The following PDLIM1 variants were observed in gnomAD, a reference collection of about 807,000 sequenced individuals.
The protein encoded by PDLIM1 is PDZ and LIM domain 1, also known as PDZ and LIM domain protein 1.
Under a neutral mutation model 35.2 loss-of-function variants are expected in PDLIM1, and 25 were observed. The observed-to-expected ratio is 0.71, with a 90% CI of 0.52 to 0.99. The LOEUF (loss-of-function observed/expected upper bound fraction) is 0.99. PDLIM1 is among the 50% of genes least tolerant of loss of function. PDLIM1 has a pLI of 0.00. For missense variants in PDLIM1, 363 were observed against 415.3 expected, an observed-to-expected ratio of 0.87 and a Z score of 1.09; for synonymous variants, 152 against 154.0, an observed-to-expected ratio of 0.99 and a Z score of 0.10.
intron 1 of PDLIM1, among the ~76,000 whole-genome samples, chr10:95,274,812 A>G (rs1450531730): frequency 2.0e-5 from 3 of 152,200 alleles, no homozygotes; most frequent in African/African-American, 7.2e-5. Flanking sequence ...AACCAATTTC[A>G]TCTTGCCTTT....
At chr10:95,288,250 CAA>C (rs35405203) in intron 1 of PDLIM1, among the ~76,000 whole-genome samples, 9 of 152,206 alleles carry the variant, frequency 5.9e-5, no homozygotes, top group Non-Finnish European at 1.3e-4. Context: ...AGCAGTTTAG[CAA>C]AAGACTGGAG....
intron 1 of PDLIM1, among the ~76,000 whole-genome samples, chr10:95,273,631 C>T (rs918159294): frequency 6.6e-6 from 1 of 152,132 alleles, no homozygotes; most frequent in Non-Finnish European, 1.5e-5. Flanking sequence ...GCTCTCCCAT[C>T]ATTTGTTTAC....
At chr10:95,250,114 T>C (rs955888423) in intron 4 of PDLIM1, among the ~76,000 whole-genome samples, 3 of 152,236 alleles carry the variant, frequency 2.0e-5, no homozygotes, top group Non-Finnish European at 4.4e-5. Context: ...AGTTTGGAAC[T>C]TGCCCCATAA....
chr10:95,260,854 C>T (rs1466499068), intron 4 of PDLIM1, among the ~76,000 whole-genome samples: 1 of 152,146 alleles, frequency 6.6e-6, no homozygotes, highest in Non-Finnish European at 1.5e-5. Flanking sequence ...GCAAAGTTAC[C>T]AGGTGACTGC....
intron 3 of PDLIM1, among the ~76,000 whole-genome samples, chr10:95,265,871 A>G (rs2035412338): frequency 6.6e-6 from 1 of 152,172 alleles, no homozygotes; most frequent in South Asian, 2.1e-4. Flanking sequence ...ACTGCACATC[A>G]GCCTGGGTGA....
chr10:95,257,020 A>G (rs1483014933), intron 4 of PDLIM1, among the ~76,000 whole-genome samples: 1 of 150,018 alleles, frequency 6.7e-6, no homozygotes, highest in Non-Finnish European at 1.5e-5. Flanking sequence ...GAAAGAAAGA[A>G]AGAAAGAAAG....
chr10:95,251,860 G>GA (rs1243437969), intron 4 of PDLIM1, among the ~76,000 whole-genome samples: 1 of 152,212 alleles, frequency 6.6e-6, no homozygotes, highest in Non-Finnish European at 1.5e-5. Context: ...ACGTCCTGAG[G>GA]ACCACGATGG....
intron 1 of PDLIM1, among the ~76,000 whole-genome samples, chr10:95,289,347 G>A (rs2035631587): frequency 6.6e-6 from 1 of 152,206 alleles, no homozygotes; most frequent in Non-Finnish European, 1.5e-5. Context: ...ACGATTCTGG[G>A]GAAGGCACAG....
At chr10:95,250,414 C>A (rs550944251) in intron 4 of PDLIM1, among the ~76,000 whole-genome samples, 1 of 151,288 alleles carries the variant, frequency 6.6e-6, no homozygotes, top group African/African-American at 2.4e-5. Flanking sequence ...AACCACTGGA[C>A]AATTTATAAA....
chr10:95,248,642 A>C (rs957538069), intron 4 of PDLIM1, among the ~76,000 whole-genome samples: 3 of 152,236 alleles, frequency 2.0e-5, no homozygotes, highest in Non-Finnish European at 4.4e-5. Flanking sequence ...TTTAATACTA[A>C]AATATATGTT....
At chr10:95,265,081 T>C (rs1457693895) in intron 3 of PDLIM1, among the ~76,000 whole-genome samples, 1 of 152,124 alleles carries the variant, frequency 6.6e-6, no homozygotes, top group Non-Finnish European at 1.5e-5. Flanking sequence ...AGAAAAATCT[T>C]CCTGAACTCT....
chr10:95,264,052 GTGCAGGACCTCC>G lies in PDLIM1; in HGVS notation c.334-1_344del. On this transcript the variant is annotated splice_acceptor_variant and coding_sequence_variant, in exon 4 of 7. Transcript: ENST00000329399. LOFTEE classifies it high-confidence loss of function. ...CACTTCGGTTGTGGGCGCTTCCTATGTGCAGGACCTCCTGCAGGCAGGGATCAGAGGAGAAAT... is the reference window on the plus strand; with the variant it reads ...CACTTCGGTTGTGGGCGCTTCCTATGTGCAGGCAGGGATCAGAGGAGAAAT... 3 of 1,613,512 alleles carry G rather than the reference GTGCAGGACCTCC, an allele frequency of 1.9e-6. No individual in the cohort carries two copies. Among genetic ancestry groups the G allele is most frequent in the Non-Finnish European group, 2.5e-6 (3 of 1,179,768 alleles).
intron 1 of PDLIM1, among the ~76,000 whole-genome samples, chr10:95,281,250 G>C (rs1312891610): frequency 6.6e-6 from 1 of 151,662 alleles, no homozygotes; most frequent in Non-Finnish European, 1.5e-5. Context: ...CATTAGAATA[G>C]TATTCCTCTA....
chr10:95,261,476 A>AG (rs1053676303), intron 4 of PDLIM1, among the ~76,000 whole-genome samples: 8 of 152,260 alleles, frequency 5.3e-5, no homozygotes, highest in Admixed American at 1.3e-4. Context: ...TGGAAAGCCT[A>AG]GGGGGACCAG....
At chr10:95,287,626 T>A (rs546979484) in intron 1 of PDLIM1, among the ~76,000 whole-genome samples, 2 of 151,982 alleles carry the variant, frequency 1.3e-5, no homozygotes, top group East Asian at 3.9e-4. Context: ...AGGCTTCCCT[T>A]GAAAGTAACT....
chr10:95,268,548 C>A (rs1245830959), intron 3 of PDLIM1, among the ~76,000 whole-genome samples: 1 of 152,236 alleles, frequency 6.6e-6, no homozygotes. Context: ...CGCCTTCCGA[C>A]CCCCTGCTTC....
At chr10:95,283,846 C>T (rs1048349261) in intron 1 of PDLIM1, among the ~76,000 whole-genome samples, 4 of 152,200 alleles carry the variant, frequency 2.6e-5, no homozygotes, top group Non-Finnish European at 5.9e-5. Context: ...TCCCTGTGCC[C>T]GCCTTCCGTC....
chr10:95,273,795 T>G (rs2035487823), intron 1 of PDLIM1, among the ~76,000 whole-genome samples: 1 of 152,172 alleles, frequency 6.6e-6, no homozygotes, highest in Admixed American at 6.5e-5. Context: ...AGTCATCCAG[T>G]GCATGCAATA....
intron 4 of PDLIM1, among the ~76,000 whole-genome samples, chr10:95,257,420 G>A (rs1055147484): frequency 3.3e-5 from 5 of 151,590 alleles, no homozygotes; most frequent in East Asian, 1.9e-4. Flanking sequence ...CAAAACATAC[G>A]TATAATTAAT....
Sources: allele counts gnomAD v4.1 joint callset (sites outside exome capture counted in the v4.1 genomes callset), GRCh38; gene constraint gnomAD v4.1.1; transcripts MANE v1.5; gene names NCBI Gene and HGNC (gene_info 2026-07-23, HGNC 2026-07-21).